APOBR: variants seen among roughly 807,000 people sequenced by gnomAD.
APOBR encodes the protein apoB-48R.
APOBR carries 57 observed loss-of-function variants against 88.5 expected under a neutral mutation model. The observed-to-expected ratio is 0.64, with a 90% CI of 0.52 to 0.80. APOBR has a LOEUF of 0.80. Ranked by LOEUF, APOBR falls within the 30% of genes least tolerant of loss-of-function variation. The pLI, the probability that APOBR is intolerant of heterozygous loss-of-function variation, is 0.00. For missense variants in APOBR, 1,443 were observed against 1,401.6 expected (o/e 1.03, Z -0.47); for synonymous variants, 588 against 572.7 (o/e 1.03, Z -0.38).
intron 1 of APOBR, 52 bp from the exon 2 acceptor site, chr16:28,495,047 A>T (rs1272017346): frequency 7.0e-7 from 1 of 1,419,720 alleles, no homozygotes; most frequent in Non-Finnish European, 9.3e-7. Flanking sequence ...CCCCAGGGAA[A>T]GGGCTGGGAC....
Position 28,496,467 on chromosome 16 carries a change from T to G in APOBR, c.1426T>G (p.Leu476Val). 2 of 1,610,064 alleles carry G rather than the reference T, an allele frequency of 1.2e-6. No individual in the cohort carries two copies. Among genetic ancestry groups the G allele is most frequent in the Non-Finnish European group, 1.7e-6 (2 of 1,178,160 alleles). Reference protein sequence around the residue: ...RGKEAEMRQDLGIRADRARME... With the variant: ...RGKEAEMRQDVGIRADRARME... ...TAAGGAGGCTGAGATGAGGCAGGACTTGGGGATCAGGGCCGACCGGGCCAG... is the reference window on the plus strand; with the variant it reads ...TAAGGAGGCTGAGATGAGGCAGGACGTGGGGATCAGGGCCGACCGGGCCAG... The change falls in exon 2 of 4, where the codon TTG becomes GTG. Residue 476 changes from leucine to valine, a missense_variant. Physicochemically the swap from Leu to Val is conservative, Grantham distance 32 (BLOSUM62 1). Coordinates refer to ENST00000564831, the MANE Select transcript of APOBR (RefSeq NM_018690.4).
At position 28,496,396 on chromosome 16, in the gene APOBR, G is replaced by A; in HGVS notation, c.1355G>A (p.Gly452Asp). Residue 452 changes from glycine to aspartate, a missense_variant, in exon 2 of 4, where the codon GGC becomes GAC. By Grantham distance (94) the Gly-to-Asp change is moderately conservative (BLOSUM62 -1). Coordinates refer to ENST00000564831, the MANE Select transcript of APOBR (RefSeq NM_018690.4). ...ACCGCAGGGAGGGAAGCTGTGGGAG[G>A]CCAGGAGGCAGGGGAGAGCTTTGAG... Reference protein sequence around the residue: ...SQTAGREAVGGQEAGESFEGQ... With the variant: ...SQTAGREAVGDQEAGESFEGQ... The A allele has an allele frequency of 1.2e-6, 2 of 1,610,550 alleles. No homozygotes were observed. The highest frequency in any genetic ancestry group is 2.2e-5 in the South Asian group (2 of 90,584).
In APOBR at chr16:28,495,447, T is replaced by A. The variant is rs1165856331; in HGVS notation, c.406T>A (p.Leu136Met). ...AARCQEPSAH[L>M]EARKKSKAGS... Reference sequence around the variant, plus strand: ...CAGGTGCCAGGAGCCAAGCGCCCACTTGGAGGCCAGAAAGAAATCCAAGGC... The same window carrying A: ...CAGGTGCCAGGAGCCAAGCGCCCACATGGAGGCCAGAAAGAAATCCAAGGC... The change falls in exon 2 of 4, where the codon TTG becomes ATG. Residue 136 changes from leucine to methionine, a missense_variant. Transcript: ENST00000564831. 1 of 1,560,922 alleles carries A rather than the reference T, an allele frequency of 6.4e-7. No individual in the cohort carries two copies. The highest frequency in any genetic ancestry group is 1.9e-5 in the Admixed American group (1 of 51,480).
rs770543158 is a variant in APOBR at position 28,495,628 on chromosome 16, C to T, written c.587C>T (p.Ala196Val). Residue 196 changes from alanine (A) to valine (V), a missense_variant, in exon 2 of 4, where the codon GCG becomes GTG. Coordinates refer to ENST00000564831, the MANE Select transcript of APOBR (RefSeq NM_018690.4). ...RAREPGMARG[A>V]ESEWTWHGET... ...AGAGAGCCAGGGATGGCCAGAGGGG[C>T]GGAGTCAGAGTGGACCTGGCATGGG... 11 of 1,556,500 alleles carry T rather than the reference C, an allele frequency of 7.1e-6. No homozygotes were observed. Among genetic ancestry groups the T allele is most frequent in the South Asian group, 4.7e-5 (4 of 84,362 alleles).
Position 28,496,548 on chromosome 16 carries a change from G to A in APOBR, c.1507G>A (p.Asp503Asn), listed in dbSNP as rs761995297. ...EAQEERGSSR[D>N]PVAELPSDGE... ...CCAGGAGGAGAGAGGGAGCAGCAGG[G>A]ATCCAGTGGCTGAGCTGCCCTCAGA... Residue 503 changes from aspartate (D) to asparagine (N), a missense_variant, in exon 2 of 4, where the codon GAT becomes AAT. Coordinates refer to ENST00000564831, the MANE Select transcript of APOBR (RefSeq NM_018690.4). 1.3e-6 allele frequency: 2 copies of A among 1,566,714 alleles called. No individual in the cohort carries two copies. Among genetic ancestry groups the A allele is most frequent in the African/African-American group, 1.4e-5 (1 of 73,728 alleles).
rs780321080 is a variant in APOBR at position 28,496,074 on chromosome 16, G to A, written c.1033G>A (p.Ala345Thr). 1 of 1,545,810 alleles carries A rather than the reference G, an allele frequency of 6.5e-7. No homozygotes were observed. ...GGCCGGGATAGCCTCAGGCGGGGAG[G>A]CTGGGACAGCCTCAGGAGGGGAGGA... The part of the protein sequence containing the change: ...EEAGIASGGE[A>T]GTASGGEEAG... The change falls in exon 2 of 4, where the codon GCT (alanine) becomes ACT (threonine). Residue 345 changes from alanine to threonine, a missense_variant. Coordinates refer to ENST00000564831, the MANE Select transcript of APOBR (RefSeq NM_018690.4).
Position 28,497,595 on chromosome 16 carries a change from A to G in APOBR, c.2554A>G (p.Ser852Gly), listed in dbSNP as rs199840321. The G allele has an allele frequency of 1.3e-4, 210 of 1,606,470 alleles. 1 individual carries two copies. In the Middle Eastern group the frequency reaches 2.0e-3, roughly 15 times the overall value. Residue 852 changes from serine (S) to glycine (G), a missense_variant, in exon 2 of 4, where the codon AGC becomes GGC. By Grantham distance (56) the Ser-to-Gly change is moderately conservative. Transcript: ENST00000564831. ...EAEESAGAED[S>G]CGLDPAGSQT... ...CGAGGAATCTGCAGGCGCAGAGGACAGCTGTGGGCTGGATCCCGCGGGCTC... is the reference window on the plus strand; with the variant it reads ...CGAGGAATCTGCAGGCGCAGAGGACGGCTGTGGGCTGGATCCCGCGGGCTC...
At position 28,496,922 on chromosome 16, in the gene APOBR, C is replaced by T. The variant is rs1367084432; in HGVS notation, c.1881C>T (p.Arg627=). ...CCTTCCCAGGAGCCTGGGAAAACCG[C>T]ACGAGAAAGGACATGGAGAGAGGAA... ...SEAFPGAWEN[R]TRKDMERGNT... is the part of the protein sequence containing the mutation. Residue 627 remains arginine (R), a synonymous_variant, in exon 2 of 4, where the codon CGC becomes CGT. Coordinates refer to ENST00000564831, the MANE Select transcript of APOBR (RefSeq NM_018690.4). 2.6e-6 allele frequency: 4 copies of T among 1,559,710 alleles called. No homozygotes were observed. Among genetic ancestry groups the T allele is most frequent in the South Asian group, 2.4e-5 (2 of 84,526 alleles).
chr16:28,498,546 C>T lies in APOBR; in HGVS notation c.*41C>T. 1 of 1,553,322 alleles carries T rather than the reference C, an allele frequency of 6.4e-7. No homozygotes were observed. Among genetic ancestry groups the T allele is most frequent in the East Asian group, 2.4e-5 (1 of 41,672 alleles). On this transcript the variant is annotated 3_prime_UTR_variant, in exon 4 of 4. Transcript: ENST00000564831. Reference sequence around the variant, plus strand: ...CTGGGAGCCAGGCCCTGAGTGGGTGCCAGAAGGCTTGCTCCAATGCCACTG... The same window carrying T: ...CTGGGAGCCAGGCCCTGAGTGGGTGTCAGAAGGCTTGCTCCAATGCCACTG...
In APOBR at chr16:28,494,662, CACAG is replaced by C. The variant is rs760811305; in HGVS notation, c.-14_-11del. ...ACGGTCATTATCAGCTTTCTGGACA[CACAG>C]ACAGAGACAGACAGGATGGACTTCC... On this transcript the variant is annotated 5_prime_UTR_variant, in exon 1 of 4. Transcript: ENST00000564831. The C allele has an allele frequency of 3.9e-5, 62 of 1,607,304 alleles. No individual in the cohort carries two copies. The highest frequency in any genetic ancestry group is 4.4e-5 in the South Asian group (4 of 90,470).
At position 28,498,005 on chromosome 16, in the gene APOBR, T is replaced by C. The variant is rs2046407306; in HGVS notation, c.2955+9T>C. ...CCAACAGCTGGAGCGAGGTGAGGGCTCTTGGTGGGGTCTCGGGGGGAACGA... is the reference window on the plus strand; with the variant it reads ...CCAACAGCTGGAGCGAGGTGAGGGCCCTTGGTGGGGTCTCGGGGGGAACGA... On this transcript the variant is annotated intron_variant, in intron 2 of 3. Coordinates refer to ENST00000564831, the MANE Select transcript of APOBR (RefSeq NM_018690.4). 6.3e-7 allele frequency: 1 copy of C among 1,576,776 alleles called. No homozygotes were observed. The highest frequency in any genetic ancestry group is 1.4e-5 in the African/African-American group (1 of 73,332).
Position 28,497,628 on chromosome 16 carries a change from G to A in APOBR, c.2587G>A (p.Ala863Thr). The A allele has an allele frequency of 6.2e-7, 1 of 1,605,742 alleles. No homozygotes were observed. Among genetic ancestry groups the A allele is most frequent in the Non-Finnish European group, 8.5e-7 (1 of 1,176,224 alleles). The change falls in exon 2 of 4, where the codon GCG becomes ACG. Residue 863 changes from alanine to threonine, a missense_variant. Coordinates refer to ENST00000564831, the MANE Select transcript of APOBR (RefSeq NM_018690.4). Reference protein sequence around the residue: ...CGLDPAGSQTARAEGMGAMVE... With the variant: ...CGLDPAGSQTTRAEGMGAMVE... ...GCTGGATCCCGCGGGCTCCCAGACA[G>A]CGAGGGCAGAGGGGATGGGAGCCAT...
chr16:28,496,666 C>G lies in APOBR; in HGVS notation c.1625C>G (p.Thr542Ser). 1 of 1,605,386 alleles carries G rather than the reference C, an allele frequency of 6.2e-7. No individual in the cohort carries two copies. The highest frequency in any genetic ancestry group is 1.1e-5 in the South Asian group (1 of 89,600). ...LTGEESEAAQ[T>S]SCGLLGVEWG... ...GGGGAGGAGAGTGAGGCGGCCCAGACTAGCTGTGGCCTACTGGGCGTGGAA... is the reference window on the plus strand; with the variant it reads ...GGGGAGGAGAGTGAGGCGGCCCAGAGTAGCTGTGGCCTACTGGGCGTGGAA... Residue 542 changes from threonine to serine, a missense_variant, in exon 2 of 4, where the codon ACT (threonine) becomes AGT (serine). Thr to Ser is a moderately conservative substitution (Grantham distance 58). Coordinates refer to ENST00000564831, the MANE Select transcript of APOBR (RefSeq NM_018690.4).
At position 28,497,334 on chromosome 16, in the gene APOBR, A is replaced by T; in HGVS notation, c.2293A>T (p.Met765Leu). The T allele has an allele frequency of 6.2e-7, 1 of 1,605,058 alleles. No homozygotes were observed. ...GACTGGCTCTGTGGCTGCTGGGATT[A>T]TGGGGGGTGATGTGGTCCCACACAT... Reference protein sequence around the residue: ...AQTGSVAAGIMGGDVVPHISA... With the variant: ...AQTGSVAAGILGGDVVPHISA... The change falls in exon 2 of 4, where the codon ATG becomes TTG. Residue 765 changes from methionine to leucine, a missense_variant. Coordinates refer to ENST00000564831, the MANE Select transcript of APOBR (RefSeq NM_018690.4).
chr16:28,498,041 G>T (rs201857915), intron 2 of APOBR, 40 bp from the exon 3 acceptor site: 7 of 1,546,906 alleles, frequency 4.5e-6, no homozygotes, highest in Non-Finnish European at 6.1e-6. Context: ...GTGGAATCCC[G>T]AAGCCGGCCC....
Position 28,495,239 on chromosome 16 carries a change from C to A in APOBR, c.198C>A (p.Asp66Glu). 6.5e-7 allele frequency: 1 copy of A among 1,539,762 alleles called. No homozygotes were observed. The highest frequency in any genetic ancestry group is 8.7e-7 in the Non-Finnish European group (1 of 1,146,430). ...GKIVEEEAQE[D>E]LEGLRGSQNE... is the part of the protein sequence containing the mutation. ...TTGTAGAGGAGGAAGCCCAGGAGGA[C>A]CTGGAGGGCCTTAGAGGCAGCCAAA... The change falls in exon 2 of 4, where the codon GAC (aspartate) becomes GAA (glutamate). Residue 66 changes from aspartate (D) to glutamate (E), a missense_variant. Physicochemically the swap from Asp to Glu is conservative, Grantham distance 45. Coordinates refer to ENST00000564831, the MANE Select transcript of APOBR (RefSeq NM_018690.4).
At position 28,496,461 on chromosome 16, in the gene APOBR, C is replaced by T. The variant is rs1347444340; in HGVS notation, c.1420C>T (p.Gln474Ter). 6.2e-7 allele frequency: 1 copy of T among 1,610,996 alleles called. No individual in the cohort carries two copies. Among genetic ancestry groups the T allele is most frequent in the South Asian group, 1.1e-5 (1 of 90,624 alleles). Reference protein sequence around the residue: ...DLRGKEAEMRQDLGIRADRAR... With the variant: ...DLRGKEAEMR ...GCGTGGTAAGGAGGCTGAGATGAGG[C>T]AGGACTTGGGGATCAGGGCCGACCG... The change falls in exon 2 of 4, where the codon CAG becomes TAG. Residue 474 changes from glutamine to a stop codon, truncating the protein, a stop_gained. Transcript: ENST00000564831. LOFTEE classifies it high-confidence loss of function.
Position 28,497,777 on chromosome 16 carries a change from G to A in APOBR, c.2736G>A (p.Glu912=), listed in dbSNP as rs913377462. ...GTGGGGACTACCACCCTGAGGGAGAGGCACCAAGGCTCCTTGATGCAGAGG... is the reference window on the plus strand; with the variant it reads ...GTGGGGACTACCACCCTGAGGGAGAAGCACCAAGGCTCCTTGATGCAGAGG... ...GRCGDYHPEG[E]APRLLDAEGL... is the part of the protein sequence containing the mutation. Residue 912 remains glutamate, a synonymous_variant, in exon 2 of 4, where the codon GAG becomes GAA. Transcript: ENST00000564831. 7 of 1,603,778 alleles carry A rather than the reference G, an allele frequency of 4.4e-6. No homozygotes were observed. The highest frequency in any genetic ancestry group is 5.1e-6 in the Non-Finnish European group (6 of 1,175,472).
chr16:28,495,776 GA>G lies in APOBR; in HGVS notation c.738del (p.Gly247GlufsTer5). The G allele has an allele frequency of 6.3e-7, 1 of 1,577,578 alleles. No homozygotes were observed. Among genetic ancestry groups the G allele is most frequent in the Non-Finnish European group, 8.6e-7 (1 of 1,161,898 alleles). On this transcript the variant is annotated frameshift_variant, in exon 2 of 4. Transcript: ENST00000564831. LOFTEE classifies it high-confidence loss of function. ...AGGAGCCTGGGGCCGAAGGGGCTGG[GA>G]AAGGAGAAGAGGTGGTAGTGGTGGA... ...TEEPGAEGAG[K>X]GEEVVVVEKA...
Sources: gnomAD v4.1 joint callset for allele counts on GRCh38, gnomAD v4.1.1 for gene constraint, MANE v1.5 for transcripts, NCBI Gene and HGNC (gene_info 2026-07-23, HGNC 2026-07-21) for gene names.